The following WDR5B variants were observed in gnomAD, a reference collection of about 807,000 sequenced individuals.
The protein encoded by WDR5B is WD repeat-containing protein 5B.
Under a neutral mutation model 24.0 loss-of-function variants are expected in WDR5B, and 17 were observed. That is an observed-to-expected ratio of 0.71 (90% confidence interval 0.49 to 1.06). WDR5B has a LOEUF of 1.06. Among genes scored for constraint, WDR5B ranks in the 50% least tolerant of loss-of-function variants. WDR5B has a pLI of 0.00. For missense variants in WDR5B, 368 were observed against 384.1 expected (o/e 0.96, Z 0.35); for synonymous variants, 150 against 146.4 (o/e 1.02, Z -0.18).
At position 122,415,650 on chromosome 3, in the gene WDR5B, T is replaced by G. The variant is rs1283717620; in HGVS notation, c.-122A>C. 2 of 1,315,046 alleles carry G rather than the reference T, an allele frequency of 1.5e-6. No homozygotes were observed. Among genetic ancestry groups the G allele is most frequent in the Non-Finnish European group, 2.1e-6 (2 of 964,226 alleles). 81.5% of individuals were successfully genotyped at this position (1,315,046 alleles called of 1,614,324 possible). On this transcript the variant is annotated 5_prime_UTR_variant, in exon 1 of 1. Coordinates refer to ENST00000330689, the MANE Select transcript of WDR5B (RefSeq NM_019069.4). ...CGCACAGGATTTTAAAATGTACAGT[T>G]TTGAAAGCTTAAAGTTTCTGGACAG...
In WDR5B at chr3:122,413,999, C is replaced by G. The variant is rs2075718381; in HGVS notation, c.*537G>C. On this transcript the variant is annotated 3_prime_UTR_variant, in exon 1 of 1. Coordinates refer to ENST00000330689, the MANE Select transcript of WDR5B (RefSeq NM_019069.4). Reference sequence around the variant, plus strand: ...TGCATACACACACACACATACACACCACAGAATACTACTCAGCCAAAAAAA... The same window carrying G: ...TGCATACACACACACACATACACACGACAGAATACTACTCAGCCAAAAAAA... 1 of 158,698 alleles carries G rather than the reference C, an allele frequency of 6.3e-6. No homozygotes were observed. The highest frequency in any genetic ancestry group is 1.4e-5 in the Non-Finnish European group (1 of 72,148). The allele number at this position is 158,698 out of a possible 1,614,324, so 9.8% of individuals were successfully genotyped here. A position where few individuals can be genotyped will look rare whatever the true frequency, so the allele number is the denominator to read the frequency against.
chr3:122,414,314 C>T lies in WDR5B; in HGVS notation c.*222G>A. On this transcript the variant is annotated 3_prime_UTR_variant, in exon 1 of 1. Coordinates refer to ENST00000330689, the MANE Select transcript of WDR5B (RefSeq NM_019069.4). Reference sequence around the variant, plus strand: ...CCCTGTAATAAAAGTGACATAAATCCATAAAAATTACAAAAAGTTGCTCAA... The same window carrying T: ...CCCTGTAATAAAAGTGACATAAATCTATAAAAATTACAAAAAGTTGCTCAA... 1.6e-6 allele frequency: 1 copy of T among 613,080 alleles called. No individual in the cohort carries two copies. Among genetic ancestry groups the T allele is most frequent in the Non-Finnish European group, 2.8e-6 (1 of 363,232 alleles). 38.0% of individuals were successfully genotyped at this position (613,080 alleles called of 1,614,324 possible).
rs2075718269 is a variant in WDR5B at position 122,413,988 on chromosome 3, CACAT to C, written c.*544_*547del. 1 of 158,036 alleles carries C rather than the reference CACAT, an allele frequency of 6.3e-6. No individual in the cohort carries two copies. Among genetic ancestry groups the C allele is most frequent in the Admixed American group, 6.2e-5 (1 of 16,258 alleles). The allele number at this position is 158,036 out of a possible 1,614,324, so 9.8% of individuals were successfully genotyped here. On this transcript the variant is annotated 3_prime_UTR_variant, in exon 1 of 1. Transcript: ENST00000330689. ...ATACACATATATGCATACACACACA[CACAT>C]ACACACCACAGAATACTACTCAGCC...
rs929768787 is a variant in WDR5B at position 122,413,171 on chromosome 3, T to A, written c.*1365A>T. On this transcript the variant is annotated 3_prime_UTR_variant, in exon 1 of 1. Transcript: ENST00000330689. ...TGAAATTATTAATAGGCCTCAAGAT[T>A]AGAAGTCAGTTTTCAAAGAAGACAT... The A allele has an allele frequency of 6.6e-6, 1 of 152,226 alleles. No individual in the cohort carries two copies. Among genetic ancestry groups the A allele is most frequent in the Non-Finnish European group, 1.5e-5 (1 of 68,070 alleles). The allele number at this position is 152,226 out of a possible 1,614,324, so 9.4% of individuals were successfully genotyped here. A position where few individuals can be genotyped will look rare whatever the true frequency, so the allele number is the denominator to read the frequency against.
rs1172825162 is a variant in WDR5B at position 122,414,010 on chromosome 3, ACTC to A, written c.*523_*525del. The A allele has an allele frequency of 1.2e-4, 19 of 160,508 alleles. No individual in the cohort carries two copies. Among genetic ancestry groups the A allele is most frequent in the African/African-American group, 4.1e-4 (17 of 41,274 alleles). The allele number at this position is 160,508 out of a possible 1,614,324, so 9.9% of individuals were successfully genotyped here. On this transcript the variant is annotated 3_prime_UTR_variant, in exon 1 of 1. Transcript: ENST00000330689. ...ACACACATACACACCACAGAATACT[ACTC>A]AGCCAAAAAAAAATAATGAAATCTT...
In WDR5B at chr3:122,414,581, T is replaced by C; in HGVS notation, c.948A>G (p.Ala316=). The C allele has an allele frequency of 6.2e-7, 1 of 1,614,200 alleles. No homozygotes were observed. The highest frequency in any genetic ancestry group is 8.5e-7 in the Non-Finnish European group (1 of 1,180,032). ...HPTENLIASA[A]LENDKTIKLW... ...GTTTAATTGTTTTGTCATTTTCTAA[T>C]GCTGCTGATGCGATGAGGTTTTCTG... Residue 316 remains alanine, a synonymous_variant, in exon 1 of 1, where the codon GCA becomes GCG. Transcript: ENST00000330689.
Position 122,415,160 on chromosome 3 carries a change from C to T in WDR5B, c.369G>A (p.Gly123=). Residue 123 remains glycine, a synonymous_variant, in exon 1 of 1, where the codon GGG becomes GGA. Transcript: ENST00000330689. ...RSGKCLKTLK[G]HSNYVFCCNF... ...TACAACAAAAGACATAATTACTGTG[C>T]CCCTTCAGTGTTTTCAAACATTTTC... is the stretch of plus-strand genomic sequence containing the variant. 6.2e-7 allele frequency: 1 copy of T among 1,614,174 alleles called. No homozygotes were observed. Among genetic ancestry groups the T allele is most frequent in the East Asian group, 2.2e-5 (1 of 44,882 alleles).
rs756708936 is a variant in WDR5B at position 122,414,903 on chromosome 3, T to G, written c.626A>C (p.Asp209Ala). 4.3e-6 allele frequency: 7 copies of G among 1,614,120 alleles called. No individual in the cohort carries two copies. The highest frequency in any genetic ancestry group is 5.9e-6 in the Non-Finnish European group (7 of 1,180,054). The change falls in exon 1 of 1, where the codon GAT (aspartate) becomes GCT (alanine). Residue 209 changes from aspartate to alanine, a missense_variant. Asp to Ala is a moderately radical substitution (Grantham distance 126). Transcript: ENST00000330689. ...GQCLKTLVDD[D>A]NPPVSFVKFS... ...TTTTACAAAAGAGACAGGAGGGTTA[T>G]CGTCATCAACGAGCGTTTTTAAACA...
In WDR5B at chr3:122,414,996, C is replaced by G; in HGVS notation, c.533G>C (p.Ser178Thr). ...DPVSAVHFNC[S>T]GSLIVSGSYD... Reference sequence around the variant, plus strand: ...GCTACCTGACACTATCAAGGACCCACTACAATTAAAATGAACAGCAGAAAC... The same window carrying G: ...GCTACCTGACACTATCAAGGACCCAGTACAATTAAAATGAACAGCAGAAAC... The change falls in exon 1 of 1, where the codon AGT becomes ACT. Residue 178 changes from serine (S) to threonine (T), a missense_variant. Transcript: ENST00000330689. 1.2e-6 allele frequency: 2 copies of G among 1,614,200 alleles called. No individual in the cohort carries two copies. The highest frequency in any genetic ancestry group is 1.7e-6 in the Non-Finnish European group (2 of 1,180,040).
At position 122,414,428 on chromosome 3, in the gene WDR5B, C is replaced by G; in HGVS notation, c.*108G>C. 7.5e-7 allele frequency: 1 copy of G among 1,329,822 alleles called. No homozygotes were observed. Among genetic ancestry groups the G allele is most frequent in the Non-Finnish European group, 1.0e-6 (1 of 989,928 alleles). 82.4% of individuals were successfully genotyped at this position (1,329,822 alleles called of 1,614,324 possible). A position where few individuals can be genotyped will look rare whatever the true frequency, so the allele number is the denominator to read the frequency against. ...GTAGTGTATGAATCTCAAAATTTAA[C>G]AATAGACAATTTTTAAAATACCAAA... On this transcript the variant is annotated 3_prime_UTR_variant, in exon 1 of 1. Transcript: ENST00000330689.
chr3:122,414,325 C>G lies in WDR5B; in HGVS notation c.*211G>C, dbSNP rs980802773. 14 of 642,352 alleles carry G rather than the reference C, an allele frequency of 2.2e-5. No individual in the cohort carries two copies. In the African/African-American group the frequency reaches 2.2e-4, roughly 10 times the overall value. The allele number at this position is 642,352 out of a possible 1,614,324, so 39.8% of individuals were successfully genotyped here. On this transcript the variant is annotated 3_prime_UTR_variant, in exon 1 of 1. Coordinates refer to ENST00000330689, the MANE Select transcript of WDR5B (RefSeq NM_019069.4). ...AAGTGACATAAATCCATAAAAATTA[C>G]AAAAAGTTGCTCAAAAAAGATTGGT...
rs766972435 is a variant in WDR5B, at chr3:122,414,878, T to C, written c.651A>G (p.Lys217=). 1 of 1,614,106 alleles carries C rather than the reference T, an allele frequency of 6.2e-7. No individual in the cohort carries two copies. Among genetic ancestry groups the C allele is most frequent in the Non-Finnish European group, 8.5e-7 (1 of 1,180,026 alleles). The part of the protein sequence containing the change: ...DDDNPPVSFV[K]FSPNGKYILT... Reference sequence around the variant, plus strand: ...GAATGTATTTACCATTTGGAGAAAATTTTACAAAAGAGACAGGAGGGTTAT... The same window carrying C: ...GAATGTATTTACCATTTGGAGAAAACTTTACAAAAGAGACAGGAGGGTTAT... The change falls in exon 1 of 1, where the codon AAA becomes AAG. Residue 217 remains lysine (K), a synonymous_variant. Transcript: ENST00000330689.
Position 122,414,882 on chromosome 3 carries a change from A to G in WDR5B, c.647T>C (p.Val216Ala), listed in dbSNP as rs755454398. The change falls in exon 1 of 1, where the codon GTA (valine) becomes GCA (alanine). Residue 216 changes from valine (V) to alanine (A), a missense_variant. Coordinates refer to ENST00000330689, the MANE Select transcript of WDR5B (RefSeq NM_019069.4). The part of the protein sequence containing the change: ...VDDDNPPVSF[V>A]KFSPNGKYIL... ...GTATTTACCATTTGGAGAAAATTTT[A>G]CAAAAGAGACAGGAGGGTTATCGTC... 1 of 1,614,238 alleles carries G rather than the reference A, an allele frequency of 6.2e-7. No individual in the cohort carries two copies. Among genetic ancestry groups the G allele is most frequent in the South Asian group, 1.1e-5 (1 of 91,092 alleles).
rs1176961483 is a variant in WDR5B at position 122,415,387 on chromosome 3, T to A, written c.142A>T (p.Lys48Ter). ...VGHTEAVSSV[K>*]FSPNGEWLAS... ...AGCCATTCTCCATTAGGACTAAACTTAACTGATGACACTGCTTCCGTGTGT... is the reference window on the plus strand; with the variant it reads ...AGCCATTCTCCATTAGGACTAAACTAAACTGATGACACTGCTTCCGTGTGT... Residue 48 changes from lysine to a stop codon, truncating the protein, a stop_gained, in exon 1 of 1, where the codon AAG becomes TAG. Transcript: ENST00000330689. LOFTEE classifies it high-confidence loss of function. 1.9e-6 allele frequency: 3 copies of A among 1,614,214 alleles called. No individual in the cohort carries two copies. The highest frequency in any genetic ancestry group is 1.1e-5 in the South Asian group (1 of 91,084).
Position 122,414,493 on chromosome 3 carries a change from G to GT in WDR5B, c.*42dup, listed in dbSNP as rs1216733891. 18 of 1,545,198 alleles carry GT rather than the reference G, an allele frequency of 1.2e-5. No individual in the cohort carries two copies. The highest frequency in any genetic ancestry group is 1.8e-4 in the Middle Eastern group (1 of 5,614). ...AGAAACCGTCTTTTTAAATATCCAA[G>GT]TTTTTTGGCCAACTTGGCTCTACTA... On this transcript the variant is annotated 3_prime_UTR_variant, in exon 1 of 1. Coordinates refer to ENST00000330689, the MANE Select transcript of WDR5B (RefSeq NM_019069.4).
rs1175504886 is a variant in WDR5B at position 122,414,451 on chromosome 3, A to G, written c.*85T>C. 1 of 1,478,738 alleles carries G rather than the reference A, an allele frequency of 6.8e-7. No homozygotes were observed. Among genetic ancestry groups the G allele is most frequent in the African/African-American group, 1.4e-5 (1 of 70,980 alleles). 91.6% of individuals were successfully genotyped at this position (1,478,738 alleles called of 1,614,324 possible). On this transcript the variant is annotated 3_prime_UTR_variant, in exon 1 of 1. Transcript: ENST00000330689. ...AACAATAGACAATTTTTAAAATACC[A>G]AACTGCCAAAATTAAAAGAAACCGT...
rs1461917135 is a variant in WDR5B, at chr3:122,414,107, C to T, written c.*429G>A. On this transcript the variant is annotated 3_prime_UTR_variant, in exon 1 of 1. Transcript: ENST00000330689. ...AGTAATGATACAGAAAGTCAAAAACCACATGTTCTCGTAAGTGGGAGATAA... is the reference window on the plus strand; with the variant it reads ...AGTAATGATACAGAAAGTCAAAAACTACATGTTCTCGTAAGTGGGAGATAA... 1 of 165,988 alleles carries T rather than the reference C, an allele frequency of 6.0e-6. No individual in the cohort carries two copies. Among genetic ancestry groups the T allele is most frequent in the Admixed American group, 5.9e-5 (1 of 16,824 alleles). The allele number at this position is 165,988 out of a possible 1,614,324, so 10.3% of individuals were successfully genotyped here.
chr3:122,415,284 T>G lies in WDR5B; in HGVS notation c.245A>C (p.His82Pro). 2 of 1,614,266 alleles carry G rather than the reference T, an allele frequency of 1.2e-6. No homozygotes were observed. The highest frequency in any genetic ancestry group is 1.7e-6 in the Non-Finnish European group (2 of 1,180,044). Residue 82 changes from histidine to proline, a missense_variant, in exon 1 of 1, where the codon CAT becomes CCT. By Grantham distance (77) the His-to-Pro change is moderately conservative. Coordinates refer to ENST00000330689, the MANE Select transcript of WDR5B (RefSeq NM_019069.4). The part of the protein sequence containing the change: ...DGKYEKTLYG[H>P]NLEISDVAWS... ...GGCAACATCCGATATTTCCAAATTA[T>G]GACCATAGAGTGTTTTCTCATATTT...
rs906321886 is a variant in WDR5B at position 122,414,401 on chromosome 3, A to C, written c.*135T>G. The C allele has an allele frequency of 7.6e-6, 8 of 1,055,150 alleles. No homozygotes were observed. The African/African-American group carries it at 1.3e-4, about 17-fold the overall frequency. The allele number at this position is 1,055,150 out of a possible 1,614,324, so 65.4% of individuals were successfully genotyped here. The stretch of plus-strand genomic sequence containing the variant: ...CTTTTTCAACTATCTCATTTTGTAA[A>C]TGTAGTGTATGAATCTCAAAATTTA... On this transcript the variant is annotated 3_prime_UTR_variant, in exon 1 of 1. Transcript: ENST00000330689.
Sources: gnomAD v4.1 joint callset for allele counts on GRCh38, gnomAD v4.1.1 for gene constraint, MANE v1.5 for transcripts, NCBI Gene and HGNC (gene_info 2026-07-23, HGNC 2026-07-21) for gene names.